The following ANAPC2 variants were observed in gnomAD, a reference collection of about 807,000 sequenced individuals.
The protein encoded by ANAPC2 is anaphase promoting complex subunit 2, also known as anaphase-promoting complex subunit 2.
ANAPC2 carries 29 observed loss-of-function variants against 84.3 expected under a neutral mutation model. That is an observed-to-expected ratio of 0.34 (90% CI 0.26 to 0.47). The LOEUF is 0.47. Among genes scored for constraint, ANAPC2 ranks in the 20% least tolerant of loss-of-function variants. The pLI is 1.00. For missense variants in ANAPC2, 857 were observed against 1,131.7 expected (o/e 0.76, Z 3.48); for synonymous variants, 571 against 479.4 (o/e 1.19, Z -2.50).
At chr9:137,178,142 G>A (rs903496670) in intron 10 of ANAPC2, among the ~76,000 whole-genome samples, 1 of 152,196 alleles carries the variant, frequency 6.6e-6, no homozygotes, top group African/African-American at 2.4e-5. Context: ...CCCTCTTTAT[G>A]GACAGAAAAT....
chr9:137,175,442 G>A lies in ANAPC2; in HGVS notation c.2051C>T (p.Ala684Val), dbSNP rs774404371. 6.3e-6 allele frequency: 10 copies of A among 1,594,638 alleles called. No homozygotes were observed. Among genetic ancestry groups the A allele is most frequent in the African/African-American group, 2.7e-5 (2 of 74,540 alleles). ...CAGCAGCGCCACGGGCATCTTCACC[G>A]CCTTGCTCAGTTCCTCCAGGGTCCA... ...ASWTLEELSK[A>V]VKMPVALLRR... The change falls in exon 12 of 13, where the codon GCG becomes GTG. Residue 684 changes from alanine to valine, a missense_variant. Ala to Val is a moderately conservative substitution (Grantham distance 64). This residue lies in a region of ANAPC2 where 425 missense variants were observed against 595.5 expected (regional missense o/e 0.71). Transcript: ENST00000323927.
At chr9:137,185,327 T>C (rs144926207) in intron 3 of ANAPC2, among the ~76,000 whole-genome samples, 3,806 of 152,308 alleles carry the variant, frequency 0.025, 70 homozygotes, top group Non-Finnish European at 0.04. Context: ...TGCCCACACT[T>C]ATCACTGGCA....
intron 10 of ANAPC2, among the ~76,000 whole-genome samples, chr9:137,178,006 GTTTCT>G (rs1018466891): frequency 4.6e-5 from 7 of 152,144 alleles, no homozygotes; most frequent in Non-Finnish European, 7.4e-5. Flanking sequence ...AAAATGATAT[GTTTCT>G]TTTAAGCCCG....
chr9:137,186,242 G>A lies in ANAPC2; in HGVS notation c.855C>T (p.Phe285=), dbSNP rs750771616. 7 of 1,612,656 alleles carry A rather than the reference G, an allele frequency of 4.3e-6. No homozygotes were observed. The highest frequency in any genetic ancestry group is 5.1e-6 in the Non-Finnish European group (6 of 1,179,958). The change falls in exon 3 of 13, where the codon TTC becomes TTT. Residue 285 remains phenylalanine (F), a synonymous_variant. Coordinates refer to ENST00000323927, the MANE Select transcript of ANAPC2 (RefSeq NM_013366.4). Reference sequence around the variant, plus strand: ...TCCTCACCTTGTGGAACTCACGCAGGAAGGAGCGCTCGTACTCGCCCCGGC... The same window carrying A: ...TCCTCACCTTGTGGAACTCACGCAGAAAGGAGCGCTCGTACTCGCCCCGGC... ...DRCRGEYERS[F]LREFHKWIER...
intron 10 of ANAPC2, 160 bp from the exon 11 acceptor site, chr9:137,175,997 C>T: frequency 2.3e-6 from 2 of 864,552 alleles, no homozygotes; most frequent in Non-Finnish European, 3.4e-6. Flanking sequence ...TGGGTGGGGT[C>T]CCCACCTGCT....
Position 137,188,504 on chromosome 9 carries a change from C to T in ANAPC2, c.29G>A (p.Gly10Glu), listed in dbSNP as rs765832676. 6.2e-7 allele frequency: 1 copy of T among 1,609,502 alleles called. No homozygotes were observed. The highest frequency in any genetic ancestry group is 1.7e-5 in the Admixed American group (1 of 59,928). Residue 10 changes from glycine (G) to glutamate (E), a missense_variant, in exon 1 of 13, where the codon GGG becomes GAG. This residue lies in a region of ANAPC2 where 428 missense variants were observed against 513.8 expected (regional missense o/e 0.83). Coordinates refer to ENST00000323927, the MANE Select transcript of ANAPC2 (RefSeq NM_013366.4). ...CTGTCCGGGCCGGGAGTCGCTGTCC[C>T]CCTCCGCCACCACAACTGCCGCCGC... is the stretch of plus-strand genomic sequence containing the variant. MAAAVVVAE[G>E]DSDSRPGQEL...
chr9:137,188,536 C>A lies in ANAPC2; in HGVS notation c.-4G>T. On this transcript the variant is annotated 5_prime_UTR_variant, in exon 1 of 13. Coordinates refer to ENST00000323927, the MANE Select transcript of ANAPC2 (RefSeq NM_013366.4). ...CCACCACAACTGCCGCCGCCATCTG[C>A]ACCCACCGACTCCGAGATTCGCTCG... 1 of 1,604,630 alleles carries A rather than the reference C, an allele frequency of 6.2e-7. No individual in the cohort carries two copies.
intron 7 of ANAPC2, among the ~76,000 whole-genome samples, 180 bp downstream of exon 7, chr9:137,181,501 C>A (rs1321741673): frequency 6.6e-6 from 1 of 152,230 alleles, no homozygotes; most frequent in Non-Finnish European, 1.5e-5. Flanking sequence ...CAGCCCATCA[C>A]CGGCCTGCCC....
chr9:137,179,276 G>GCCTCA (rs1405091804), intron 10 of ANAPC2, among the ~76,000 whole-genome samples: 2 of 152,046 alleles, frequency 1.3e-5, no homozygotes, highest in African/African-American at 4.8e-5. Context: ...CACACTGGAG[G>GCCTCA]CCTCACAGGC....
chr9:137,181,802 T>A lies in ANAPC2; in HGVS notation c.1347A>T (p.Thr449=). The A allele has an allele frequency of 6.2e-7, 1 of 1,609,834 alleles. No homozygotes were observed. Among genetic ancestry groups the A allele is most frequent in the Non-Finnish European group, 8.5e-7 (1 of 1,179,958 alleles). Reference sequence around the variant, plus strand: ...TGGACAGCTCAACAGCCAGGTCCCCTGTCCCGTCCGAGTCCCCCGTCAGCC... The same window carrying A: ...TGGACAGCTCAACAGCCAGGTCCCCAGTCCCGTCCGAGTCCCCCGTCAGCC... ...VAGLTGDSDG[T]GDLAVELSKT... is the part of the protein sequence containing the mutation. Residue 449 remains threonine (T), a synonymous_variant, in exon 7 of 13, where the codon ACA becomes ACT. Transcript: ENST00000323927.
At chr9:137,185,976 T>C (rs1588765032) in intron 3 of ANAPC2, among the ~76,000 whole-genome samples, 1 of 152,196 alleles carries the variant, frequency 6.6e-6, no homozygotes, top group African/African-American at 2.4e-5. Flanking sequence ...CTCGGGATCC[T>C]GGCCCGATAC....
In ANAPC2 at chr9:137,186,266, G is replaced by A; in HGVS notation, c.831C>T (p.Cys277=). 6.2e-7 allele frequency: 1 copy of A among 1,612,514 alleles called. No individual in the cohort carries two copies. The highest frequency in any genetic ancestry group is 8.5e-7 in the Non-Finnish European group (1 of 1,179,972). ...GGAAGGAGCGCTCGTACTCGCCCCG[G>A]CAACGGTCCTCCATCCTCTCCCGGG... is the stretch of plus-strand genomic sequence containing the variant. The part of the protein sequence containing the change: ...QVTRERMEDR[C]RGEYERSFLR... The change falls in exon 3 of 13, where the codon TGC becomes TGT. Residue 277 remains cysteine, a synonymous_variant. Coordinates refer to ENST00000323927, the MANE Select transcript of ANAPC2 (RefSeq NM_013366.4).
rs1461182300 is a variant in ANAPC2 at position 137,187,496 on chromosome 9, T to C, written c.725A>G (p.Gln242Arg). The C allele has an allele frequency of 1.8e-5, 29 of 1,607,116 alleles. No homozygotes were observed. The highest frequency in any genetic ancestry group is 2.4e-5 in the Non-Finnish European group (28 of 1,174,572). ...WCRQALEQFH[Q>R]LSQVLHRLSL... Reference sequence around the variant, plus strand: ...GACTACTCACAAGACCTGGCTGAGCTGATGGAACTGCTCCAGAGCCTGGCG... The same window carrying C: ...GACTACTCACAAGACCTGGCTGAGCCGATGGAACTGCTCCAGAGCCTGGCG... The change falls in exon 2 of 13, where the codon CAG (glutamine) becomes CGG (arginine). Residue 242 changes from glutamine (Q) to arginine (R), a missense_variant. Around this residue, in one of 3 missense-constraint regions of ANAPC2, gnomAD observed 428 missense variants for 513.8 expected, o/e 0.83. Transcript: ENST00000323927.
chr9:137,180,626 G>T (rs1834323799), intron 8 of ANAPC2, 99 bp from the exon 9 acceptor site: 2 of 1,575,752 alleles, frequency 1.3e-6, no homozygotes, highest in Admixed American at 3.4e-5. Flanking sequence ...AGAGCAGGGA[G>T]CCTGTGTGGG....
Position 137,188,056 on chromosome 9 carries a change from G to C in ANAPC2, c.165C>G (p.Leu55=), listed in dbSNP as rs1199391956. The C allele has an allele frequency of 2.5e-6, 4 of 1,613,530 alleles. No individual in the cohort carries two copies. Among genetic ancestry groups the C allele is most frequent in the Non-Finnish European group, 3.4e-6 (4 of 1,180,002 alleles). ...SGAVPPKEEE[L]RAAVEVLRGH... is the part of the protein sequence containing the mutation. Reference sequence around the variant, plus strand: ...CCCTCAGAACCTCCACCGCCGCCCGGAGCTCCTCTTCCTTTGGCGGGACTG... The same window carrying C: ...CCCTCAGAACCTCCACCGCCGCCCGCAGCTCCTCTTCCTTTGGCGGGACTG... Residue 55 remains leucine, a synonymous_variant, in exon 2 of 13, where the codon CTC becomes CTG. Transcript: ENST00000323927.
rs946199216 is a variant in ANAPC2, at chr9:137,187,792, G to A, written c.429C>T (p.Gly143=). The A allele has an allele frequency of 3.1e-6, 5 of 1,613,528 alleles. No individual in the cohort carries two copies. In the South Asian group the frequency reaches 3.3e-5, roughly 11 times the overall value. ...CTTCTCGCAGCCCCTGAGCACCAGT[G>A]CCCATCAGCAAGCCCAGGCGAGTCC... ...EKWTRLGLLM[G]TGAQGLREEV... is the part of the protein sequence containing the mutation. Residue 143 remains glycine (G), a synonymous_variant, in exon 2 of 13, where the codon GGC becomes GGT. Transcript: ENST00000323927.
intron 11 of ANAPC2, 115 bp from the exon 12 acceptor site, chr9:137,175,587 A>T: frequency 6.7e-7 from 1 of 1,485,598 alleles, no homozygotes; most frequent in Non-Finnish European, 9.0e-7. Flanking sequence ...GCCCGTGGGA[A>T]AGGGAAGGGT....
At chr9:137,185,541 G>A (rs895711982) in intron 3 of ANAPC2, among the ~76,000 whole-genome samples, 2 of 152,204 alleles carry the variant, frequency 1.3e-5, no homozygotes, top group East Asian at 1.9e-4. Context: ...TGGCAAGACC[G>A]CACGGATGTT....
rs574320106 is a variant in ANAPC2 at position 137,175,053 on chromosome 9, T to C, written c.2358A>G (p.Ala786=). ...GCTCCTGCAGGTCAATCTCGGCCAG[T>C]GCAGGCCCAGTCACCACAAACATGC... ...MLRMFVVTGP[A]LAEIDLQELQ... is the part of the protein sequence containing the mutation. The change falls in exon 13 of 13, where the codon GCA becomes GCG. Residue 786 remains alanine (A), a synonymous_variant. Coordinates refer to ENST00000323927, the MANE Select transcript of ANAPC2 (RefSeq NM_013366.4). The C allele has an allele frequency of 1.2e-6, 2 of 1,606,074 alleles. No homozygotes were observed. Among genetic ancestry groups the C allele is most frequent in the African/African-American group, 1.3e-5 (1 of 74,832 alleles).
Sources: allele counts gnomAD v4.1 joint callset (sites outside exome capture counted in the v4.1 genomes callset), GRCh38; gene constraint gnomAD v4.1.1; regional missense constraint gnomAD v4.1.1; transcripts MANE v1.5; gene names NCBI Gene and HGNC (gene_info 2026-07-23, HGNC 2026-07-21).